The following NRIP1 variants were observed in gnomAD, a reference collection of about 807,000 sequenced individuals.
NRIP1 encodes the protein nuclear receptor-interacting protein 1.
A neutral mutation model predicts 75.0 loss-of-function variants in NRIP1; 28 were observed. That is an observed-to-expected ratio of 0.37 (90% CI 0.28 to 0.51). The LOEUF (loss-of-function observed/expected upper bound fraction) is 0.51, where lower values mean the gene tolerates loss of function less well. Ranked by LOEUF, NRIP1 falls within the 20% of genes least tolerant of loss-of-function variation. The pLI, the probability that NRIP1 is intolerant of heterozygous loss-of-function variation, is 0.92. For missense variants in NRIP1, 1,435 were observed against 1,343.7 expected, an observed-to-expected ratio of 1.07 and a Z score of -1.06; for synonymous variants, 526 against 487.6, an observed-to-expected ratio of 1.08 and a Z score of -1.04.
intron 3 of NRIP1, among the ~76,000 whole-genome samples, chr21:15,001,529 C>T (rs527650102): frequency 1.3e-5 from 2 of 152,128 alleles, no homozygotes; most frequent in Admixed American, 6.5e-5. Flanking sequence ...AAATTGTACA[C>T]TACAAGTCTC....
chr21:14,964,700 G>A lies in NRIP1; in HGVS notation c.*16C>T. ...ATTAGTTTTAAAAAGATCCAAAACT[G>A]GATGGCAGGTACATTTTATTCTGAT... On this transcript the variant is annotated 3_prime_UTR_variant, in exon 4 of 4. Coordinates refer to ENST00000318948, the MANE Select transcript of NRIP1 (RefSeq NM_003489.4). 1 of 1,502,954 alleles carries A rather than the reference G, an allele frequency of 6.7e-7. No individual in the cohort carries two copies. Among genetic ancestry groups the A allele is most frequent in the Non-Finnish European group, 8.9e-7 (1 of 1,123,382 alleles). The allele number at this position is 1,502,954 out of a possible 1,614,324, so 93.1% of individuals were successfully genotyped here.
At chr21:15,014,785 T>A (rs2088186439) in intron 2 of NRIP1, among the ~76,000 whole-genome samples, 1 of 151,776 alleles carries the variant, frequency 6.6e-6, no homozygotes, top group African/African-American at 2.4e-5. Flanking sequence ...ATTAATTAAT[T>A]TACATACAAA....
rs545443167 is a variant in NRIP1 at position 15,030,923 on chromosome 21, G to A, written c.-458+12572C>T. ...GGATCACCACATTCCCTTTCTATGTGTGTACACTCTGGAAGGCACTCAGAG... is the reference window on the plus strand; with the variant it reads ...GGATCACCACATTCCCTTTCTATGTATGTACACTCTGGAAGGCACTCAGAG... On this transcript the variant is annotated intron_variant, in intron 2 of 3. Transcript: ENST00000318948. 9.9e-4 allele frequency among the ~76,000 whole-genome samples: 132 copies of A among 132,806 alleles called. 2 individuals are homozygous for A. Among genetic ancestry groups the A allele is most frequent in the African/African-American group, 3.1e-3 (122 of 39,424 alleles). The allele number at this position is 132,806 out of a possible 152,430, so 87.1% of individuals were successfully genotyped here.
At chr21:14,987,518 A>T (rs1340792802) in intron 3 of NRIP1, among the ~76,000 whole-genome samples, 1 of 152,172 alleles carries the variant, frequency 6.6e-6, no homozygotes, top group Admixed American at 6.6e-5. Flanking sequence ...GTGAAAACCC[A>T]TTGTTGACAG....
At chr21:15,060,860 T>C (rs947051546) in intron 1 of NRIP1, among the ~76,000 whole-genome samples, 4 of 152,174 alleles carry the variant, frequency 2.6e-5, no homozygotes, top group African/African-American at 9.7e-5. Context: ...CTCTCCTCCA[T>C]TTACTTTTTG....
In NRIP1 at chr21:14,966,372, G is replaced by C; in HGVS notation, c.1821C>G (p.Asp607Glu). The stretch of plus-strand genomic sequence containing the variant: ...TTTGGGCTGGTTTCTCTCCTGGTGG[G>C]TCTTTGCTTTTTGTAAGGTCCATTG... ...NHSMDLTKSK[D>E]PPGEKPAQNE... The change falls in exon 4 of 4, where the codon GAC becomes GAG. Residue 607 changes from aspartate (D) to glutamate (E), a missense_variant. By Grantham distance (45) the Asp-to-Glu change is conservative (BLOSUM62 2). Coordinates refer to ENST00000318948, the MANE Select transcript of NRIP1 (RefSeq NM_003489.4). 1.2e-6 allele frequency: 2 copies of C among 1,613,996 alleles called. No homozygotes were observed. The highest frequency in any genetic ancestry group is 2.2e-5 in the South Asian group (2 of 91,066).
intron 1 of NRIP1, among the ~76,000 whole-genome samples, chr21:15,048,539 T>G (rs1015256278): frequency 7.2e-5 from 11 of 152,170 alleles, no homozygotes; most frequent in African/African-American, 2.4e-4. Context: ...AAACAGAACC[T>G]GAAGAGACCT....
chr21:14,992,681 A>G (rs992328941), intron 3 of NRIP1: 2 of 152,220 alleles, frequency 1.3e-5, no homozygotes, highest in African/African-American at 4.8e-5. Flanking sequence ...AGTGAAAGAA[A>G]GAATATTCTT....
chr21:14,998,802 C>T (rs1453595851), intron 3 of NRIP1, among the ~76,000 whole-genome samples: 2 of 152,138 alleles, frequency 1.3e-5, no homozygotes, highest in Admixed American at 6.5e-5. Flanking sequence ...GTATATAATA[C>T]CTATAACATA....
Position 14,965,645 on chromosome 21 carries a change from T to C in NRIP1, c.2548A>G (p.Lys850Glu), listed in dbSNP as rs1157398076. Residue 850 changes from lysine to glutamate, a missense_variant, in exon 4 of 4, where the codon AAG (lysine) becomes GAG (glutamate). Physicochemically the swap from Lys to Glu is moderately conservative, Grantham distance 56. Transcript: ENST00000318948. ...TTCTTAGGGACCATGCAAAGATTCT[T>C]TGATTCTAGAAGTGCCATTTCATTA... is the stretch of plus-strand genomic sequence containing the variant. ...RNNEMALLES[K>E]NLCMVPKKRK... 3 of 1,613,202 alleles carry C rather than the reference T, an allele frequency of 1.9e-6. No homozygotes were observed. The Admixed American group carries it at 5.0e-5, about 27-fold the overall frequency.
intron 1 of NRIP1, among the ~76,000 whole-genome samples, chr21:15,056,653 A>G (rs1247968284): frequency 6.6e-6 from 1 of 152,186 alleles, no homozygotes; most frequent in Admixed American, 6.5e-5. Flanking sequence ...CTCTAAACAA[A>G]ACACAGATGT....
At chr21:14,999,587 T>G (rs2087805930) in intron 3 of NRIP1, among the ~76,000 whole-genome samples, 1 of 152,214 alleles carries the variant, frequency 6.6e-6, no homozygotes, top group Non-Finnish European at 1.5e-5. Flanking sequence ...ATTTGTGTTT[T>G]AGCCCTGGCT....
rs552933010 is a variant in NRIP1, at chr21:15,004,919, C to G, written c.-335+9425G>C. ...CCTCCAACACATTATAAATAAATCA[C>G]AGTTGCCAGAGGGAAAAGTGTGTAA... On this transcript the variant is annotated intron_variant, in intron 3 of 3. Coordinates refer to ENST00000318948, the MANE Select transcript of NRIP1 (RefSeq NM_003489.4). Among the ~76,000 whole-genome samples the G allele has an allele frequency of 2.0e-5, 3 of 152,278 alleles. No homozygotes were observed. In the East Asian group the frequency reaches 5.8e-4, roughly 29 times the overall value.
intron 3 of NRIP1, among the ~76,000 whole-genome samples, chr21:15,010,184 GA>G (rs1175310343): frequency 6.6e-6 from 1 of 152,178 alleles, no homozygotes; most frequent in Admixed American, 6.5e-5. Flanking sequence ...GTTAGAATCA[GA>G]AAATTTTCAG....
chr21:14,967,631 A>G lies in NRIP1; in HGVS notation c.562T>C (p.Leu188=), dbSNP rs1219241938. Residue 188 remains leucine (L), a synonymous_variant, in exon 4 of 4, where the codon TTG becomes CTG. Transcript: ENST00000318948. ...YGVASSHLKT[L]LKKSKVKDQK... The stretch of plus-strand genomic sequence containing the variant: ...TCTTTAACTTTACTTTTCTTCAACA[A>G]AGTTTTTAAGTGACTTGATGCAACA... 6.2e-7 allele frequency: 1 copy of G among 1,613,608 alleles called. No individual in the cohort carries two copies. Among genetic ancestry groups the G allele is most frequent in the African/African-American group, 1.3e-5 (1 of 74,920 alleles).
At position 15,025,451 on chromosome 21, in the gene NRIP1, C is replaced by T. The variant is rs148140979; in HGVS notation, c.-457-10985G>A. 4.1e-4 allele frequency among the ~76,000 whole-genome samples: 62 copies of T among 152,102 alleles called. 1 individual carries two copies. Among genetic ancestry groups the T allele is most frequent in the African/African-American group, 1.2e-3 (49 of 41,498 alleles). ...GCACCAAAATAAGTTACAATAGTAA[C>T]GGATTACAGCTCACTGAATAAAATA... On this transcript the variant is annotated intron_variant, in intron 2 of 3. Transcript: ENST00000318948.
At chr21:14,994,425 T>C (rs2087662734) in intron 3 of NRIP1, among the ~76,000 whole-genome samples, 1 of 152,252 alleles carries the variant, frequency 6.6e-6, no homozygotes, top group Non-Finnish European at 1.5e-5. Context: ...ATTTTTATGC[T>C]ATACAGAGAG....
chr21:15,054,475 T>G (rs1028620896), intron 1 of NRIP1, among the ~76,000 whole-genome samples: 6 of 152,224 alleles, frequency 3.9e-5, no homozygotes, highest in Admixed American at 1.3e-4. Context: ...TTATTTCAAG[T>G]ACCAATTAAT....
intron 3 of NRIP1, among the ~76,000 whole-genome samples, chr21:14,982,909 A>G (rs2087285641): frequency 6.6e-6 from 1 of 151,718 alleles, no homozygotes; most frequent in East Asian, 1.9e-4. Context: ...TACTATTATA[A>G]TTGTTTTGGG....
Sources: gnomAD v4.1 joint callset for allele counts (sites outside exome capture counted in the v4.1 genomes callset) on GRCh38, gnomAD v4.1.1 for gene constraint, MANE v1.5 for transcripts, NCBI Gene and HGNC (gene_info 2026-07-23, HGNC 2026-07-21) for gene names.